The following CCDC171 variants were observed in gnomAD, a reference collection of about 807,000 sequenced individuals.
The protein encoded by CCDC171 is coiled-coil domain-containing protein 171.
A neutral mutation model predicts 168.2 loss-of-function variants in CCDC171; 177 were observed. The observed-to-expected ratio is 1.05, with a 90% CI of 0.93 to 1.19. The LOEUF (loss-of-function observed/expected upper bound fraction) is 1.19. Among genes scored for constraint, CCDC171 ranks in the 50% most tolerant of loss-of-function variants. The probability of loss-of-function intolerance (pLI) is 0.00; values close to 1 mark genes in which losing one functional copy is unlikely to be tolerated. For synonymous variants in CCDC171, 687 were observed against 540.8 expected (o/e 1.27, Z -3.75); for missense variants, 1,991 against 1,539.0 (o/e 1.29, Z -4.91).
At chr9:15,912,254 A>T (rs1193386024) in intron 24 of CCDC171, among the ~76,000 whole-genome samples, 3 of 152,150 alleles carry the variant, frequency 2.0e-5, no homozygotes, top group Non-Finnish European at 1.5e-5. Context: ...CTCCTTGAAG[A>T]GGTCCTTCAC....
chr9:15,709,610 C>T (rs2052505027), intron 11 of CCDC171, among the ~76,000 whole-genome samples: 1 of 152,084 alleles, frequency 6.6e-6, no homozygotes, highest in Admixed American at 6.6e-5. Flanking sequence ...GATGAGATCA[C>T]TGCTTTACAG....
chr9:15,878,569 G>A (rs903120777), intron 24 of CCDC171, among the ~76,000 whole-genome samples: 4 of 152,104 alleles, frequency 2.6e-5, no homozygotes, highest in Non-Finnish European at 4.4e-5. Flanking sequence ...AAGCAGTGTG[G>A]CAATTCCTCA....
intron 7 of CCDC171, among the ~76,000 whole-genome samples, chr9:16,035,713 G>A (rs1385593625): frequency 2.0e-5 from 3 of 152,166 alleles, no homozygotes; most frequent in Admixed American, 1.3e-4. Context: ...TCTCCCTGCT[G>A]CCTCTATGTG....
intron 7 of CCDC171, among the ~76,000 whole-genome samples, chr9:15,646,391 A>G (rs1219054386): frequency 6.6e-6 from 1 of 152,216 alleles, no homozygotes; most frequent in Non-Finnish European, 1.5e-5. Context: ...GATCAAATTC[A>G]CACATAACAA....
In CCDC171 at chr9:16,018,360, G is replaced by A. The variant is rs190258627; in HGVS notation, n.369-2229G>A. Among the ~76,000 whole-genome samples the A allele has an allele frequency of 4.3e-4, 65 of 152,182 alleles. 1 individual carries two copies. Among genetic ancestry groups the A allele is most frequent in the South Asian group, 2.5e-3 (12 of 4,802 alleles). On this transcript the variant is annotated intron_variant and non_coding_transcript_variant, in intron 3 of 9. Coordinates refer to the CCDC171 transcript ENST00000486641. ...TTCCATATACTCCCACATTGCAGGG[G>A]GTTCCAAAGATCTCAGGTAAGTTTA...
intron 24 of CCDC171, among the ~76,000 whole-genome samples, chr9:15,894,103 A>C (rs968580198): frequency 6.6e-6 from 1 of 152,202 alleles, no homozygotes; most frequent in Non-Finnish European, 1.5e-5. Flanking sequence ...GTCGTAAAAC[A>C]GAACGAGGTC....
chr9:15,756,471 T>C (rs551064154), intron 18 of CCDC171, among the ~76,000 whole-genome samples: 1 of 152,292 alleles, frequency 6.6e-6, no homozygotes, highest in African/African-American at 2.4e-5. Context: ...GGGGTACGAA[T>C]GATTCTGTCA....
chr9:16,097,076 C>T, the CCDC171 span, among the ~76,000 whole-genome samples: 2 of 152,060 alleles, frequency 1.3e-5, no homozygotes, highest in African/African-American at 2.4e-5. Flanking sequence ...AGAGAAGGCA[C>T]GATGCAAAAT....
intron 3 of CCDC171, among the ~76,000 whole-genome samples, chr9:16,006,242 C>T (rs1832691986): frequency 6.6e-6 from 1 of 152,124 alleles, no homozygotes; most frequent in African/African-American, 2.4e-5. Flanking sequence ...CCAGTTTCCC[C>T]ACATCCTAAC....
At chr9:15,769,166 C>G (rs2056883633) in intron 18 of CCDC171, among the ~76,000 whole-genome samples, 1 of 152,160 alleles carries the variant, frequency 6.6e-6, no homozygotes, top group South Asian at 2.1e-4. Context: ...CAGTTTCTGT[C>G]TTTAAATGCA....
At position 15,823,050 on chromosome 9, in the gene CCDC171, C is replaced by T. The variant is rs1401933350; in HGVS notation, c.3268-23652C>T. 2.6e-5 allele frequency among the ~76,000 whole-genome samples: 4 copies of T among 152,054 alleles called. No homozygotes were observed. The East Asian group carries it at 7.7e-4, about 29-fold the overall frequency. On this transcript the variant is annotated intron_variant, in intron 21 of 25. Coordinates refer to ENST00000380701, the MANE Select transcript of CCDC171 (RefSeq NM_173550.4). ...GTCCTTTGTAGGGACATGGATGAAGCTGGAAACCATCATTTTCAGCAAACT... is the reference window on the plus strand; with the variant it reads ...GTCCTTTGTAGGGACATGGATGAAGTTGGAAACCATCATTTTCAGCAAACT...
intron 9 of CCDC171, among the ~76,000 whole-genome samples, chr9:15,673,003 C>G (rs1441733530): frequency 6.6e-6 from 1 of 152,128 alleles, no homozygotes; most frequent in Non-Finnish European, 1.5e-5. Flanking sequence ...GATATTCTTC[C>G]ATTTGTTTGT....
In CCDC171 at chr9:15,885,810, G is replaced by A. The variant is rs550563443; in HGVS notation, c.3600+11147G>A. ...ATACAGCAATGAATATGCAACTTAA[G>A]GATTAAGGAAGATGCAGTAAATCAG... On this transcript the variant is annotated intron_variant, in intron 24 of 25. Transcript: ENST00000380701. 7.2e-5 allele frequency: 11 copies of A among 152,200 alleles called. No homozygotes were observed. In the South Asian group the frequency reaches 2.1e-3, roughly 29 times the overall value. 9.4% of individuals were successfully genotyped at this position (152,200 alleles called of 1,614,324 possible).
At chr9:15,624,774 C>T (rs1016217850) in intron 7 of CCDC171, among the ~76,000 whole-genome samples, 1 of 152,104 alleles carries the variant, frequency 6.6e-6, no homozygotes, top group Non-Finnish European at 1.5e-5. Context: ...AGTAAACATA[C>T]GTGTGCATGT....
chr9:16,024,111 G>T (rs1401432539), intron 6 of CCDC171, among the ~76,000 whole-genome samples: 1 of 152,098 alleles, frequency 6.6e-6, no homozygotes, highest in Non-Finnish European at 1.5e-5. Flanking sequence ...AAGAGGCAAG[G>T]AAATAGAGTC....
intron 23 of CCDC171, among the ~76,000 whole-genome samples, chr9:15,865,301 G>A (rs1373954345): frequency 6.6e-6 from 1 of 151,938 alleles, no homozygotes; most frequent in Non-Finnish European, 1.5e-5. Context: ...TCCAGAAACT[G>A]TAGTAGCCTC....
chr9:15,974,459 T>C (rs1301864640), downstream of CCDC171, among the ~76,000 whole-genome samples: 9 of 152,208 alleles, frequency 5.9e-5, no homozygotes, highest in East Asian at 1.7e-3. Context: ...TGACTTCAAA[T>C]ATTTTTGTAG....
intron 25 of CCDC171, among the ~76,000 whole-genome samples, chr9:15,931,456 C>CTTTTTTTT (rs57124025): frequency 0.015 from 651 of 44,702 alleles, no homozygotes; most frequent in Non-Finnish European, 0.016. Context: ...TTCTTTCTTT[C>CTTTTTTTT]TTTTTTTTTT....
chr9:15,839,766 A>G (rs1378499416), intron 21 of CCDC171, among the ~76,000 whole-genome samples: 1 of 152,210 alleles, frequency 6.6e-6, no homozygotes, highest in African/African-American at 2.4e-5. Flanking sequence ...CACTCCCCAT[A>G]GTGAAAGTTA....
Sources: allele counts gnomAD v4.1 joint callset (sites outside exome capture counted in the v4.1 genomes callset), GRCh38; gene constraint gnomAD v4.1.1; transcripts MANE v1.5; gene names NCBI Gene and HGNC (gene_info 2026-07-23, HGNC 2026-07-21).